Variants in CTNNA3 observed in about 807,000 individuals in gnomAD.
CTNNA3 encodes catenin alpha-3.
Under a neutral mutation model 95.7 loss-of-function variants are expected in CTNNA3, and 76 were observed. That is an observed-to-expected ratio of 0.79 (90% CI 0.66 to 0.96). The LOEUF is 0.96. CTNNA3 is among the 40% of genes least tolerant of loss of function. The pLI, the probability that CTNNA3 is intolerant of heterozygous loss-of-function variation, is 0.00. For synonymous variants in CTNNA3, 431 were observed against 374.4 expected (o/e 1.15, Z -1.74); for missense variants, 1,191 against 1,089.8 (o/e 1.09, Z -1.31).
chr10:67,745,110 A>G (rs1379340678), intron 1 of CTNNA3, among the ~76,000 whole-genome samples: 1 of 152,152 alleles, frequency 6.6e-6, no homozygotes, highest in Admixed American at 6.5e-5. Flanking sequence ...GCGATTCCTC[A>G]GGGATCTAGA....
At chr10:66,733,816 C>T (rs1010206620) in intron 9 of CTNNA3, among the ~76,000 whole-genome samples, 1 of 151,604 alleles carries the variant, frequency 6.6e-6, no homozygotes, top group African/African-American at 2.4e-5. Context: ...TTTTGCCTAT[C>T]TTTGAGGTTT....
At chr10:67,076,697 A>G (rs1042709582) in intron 7 of CTNNA3, among the ~76,000 whole-genome samples, 3 of 152,222 alleles carry the variant, frequency 2.0e-5, no homozygotes, top group Non-Finnish European at 4.4e-5. Context: ...GTAACCAAAC[A>G]TGGTACAGGG....
intron 17 of CTNNA3, among the ~76,000 whole-genome samples, chr10:65,939,925 T>A (rs949612154): frequency 6.6e-6 from 1 of 152,124 alleles, no homozygotes; most frequent in African/African-American, 2.4e-5. Context: ...ATATGAAATA[T>A]CCTGGAAGGG....
chr10:67,056,406 C>T (rs1331530083), intron 7 of CTNNA3, among the ~76,000 whole-genome samples: 1 of 152,080 alleles, frequency 6.6e-6, no homozygotes, highest in African/African-American at 2.4e-5. Flanking sequence ...TCGTACTACC[C>T]ATTTTTGCAT....
intron 11 of CTNNA3, among the ~76,000 whole-genome samples, chr10:66,453,233 A>T (rs932797352): frequency 2.0e-5 from 3 of 151,926 alleles, no homozygotes; most frequent in African/African-American, 4.8e-5. Flanking sequence ...GAAAAAAAAA[A>T]AAACTGAGCC....
At chr10:66,733,241 T>A (rs1849020603) in intron 9 of CTNNA3, among the ~76,000 whole-genome samples, 1 of 152,204 alleles carries the variant, frequency 6.6e-6, no homozygotes, top group African/African-American at 2.4e-5. Context: ...AAAATTTTCT[T>A]TCGAATTTCA....
At chr10:66,771,227 T>A (rs1036519037) in intron 8 of CTNNA3, among the ~76,000 whole-genome samples, 7 of 152,158 alleles carry the variant, frequency 4.6e-5, no homozygotes, top group Non-Finnish European at 1.0e-4. Flanking sequence ...ATTTATGAAA[T>A]AAAAGACATT....
At chr10:67,439,478 T>C (rs895696071) in intron 5 of CTNNA3, among the ~76,000 whole-genome samples, 3 of 151,862 alleles carry the variant, frequency 2.0e-5, no homozygotes, top group Admixed American at 2.0e-4. Context: ...AGGGGGAAGG[T>C]GCTACACACT....
chr10:66,333,523 A>C (rs1450441498), intron 12 of CTNNA3, among the ~76,000 whole-genome samples: 1 of 151,976 alleles, frequency 6.6e-6, no homozygotes, highest in Admixed American at 6.5e-5. Flanking sequence ...TTTAGTTTCC[A>C]TGTAGTTGAG....
At chr10:65,975,641 T>C (rs2078195508) in intron 16 of CTNNA3, among the ~76,000 whole-genome samples, 1 of 152,138 alleles carries the variant, frequency 6.6e-6, no homozygotes. Context: ...CTTTATTAGG[T>C]ACTTCGTCTG....
chr10:67,449,617 T>C (rs1386366850), intron 5 of CTNNA3, among the ~76,000 whole-genome samples: 1 of 152,088 alleles, frequency 6.6e-6, no homozygotes, highest in African/African-American at 2.4e-5. Context: ...ATGCTAAAGA[T>C]TGAAACTGGA....
chr10:67,508,287 C>T (rs2133121383), intron 5 of CTNNA3, among the ~76,000 whole-genome samples: 1 of 152,242 alleles, frequency 6.6e-6, no homozygotes, highest in African/African-American at 2.4e-5. Context: ...GCTGGGATTA[C>T]AGGTGTGAGC....
At chr10:67,738,140 C>G (rs1324203831) in intron 1 of CTNNA3, among the ~76,000 whole-genome samples, 2 of 152,060 alleles carry the variant, frequency 1.3e-5, no homozygotes, top group Non-Finnish European at 2.9e-5. Context: ...ACTGTTAAAA[C>G]AAAACAAACA....
chr10:66,779,323 C>CTCCT, intron 7 of CTNNA3, among the ~76,000 whole-genome samples: 1 of 140,342 alleles, frequency 7.1e-6, no homozygotes, highest in East Asian at 2.2e-4. Context: ...TTGTTATGGA[C>CTCCT]TCCTTCCTTC....
At chr10:67,660,041 A>G (rs1840134075) in intron 1 of CTNNA3, among the ~76,000 whole-genome samples, 1 of 152,216 alleles carries the variant, frequency 6.6e-6, no homozygotes, top group Non-Finnish European at 1.5e-5. Context: ...CAATAAATAC[A>G]CTTAGGAAAA....
rs186378720 is a variant in CTNNA3 at position 67,190,922 on chromosome 10, A to C, written c.844-10402T>G. On this transcript the variant is annotated intron_variant, in intron 6 of 17. Transcript: ENST00000433211. ...ATAAATAAATAGCCTCATTTTTAAA[A>C]ATAGGCCAATGACCTTAACAGATAA... Among the ~76,000 whole-genome samples the C allele has an allele frequency of 4.1e-3, 629 of 152,220 alleles. 3 individuals are homozygous for C. Among genetic ancestry groups the C allele is most frequent in the African/African-American group, 0.014 (591 of 41,582 alleles).
chr10:67,055,835 T>A (rs1303999366), intron 7 of CTNNA3, among the ~76,000 whole-genome samples: 2 of 152,152 alleles, frequency 1.3e-5, no homozygotes, highest in African/African-American at 4.8e-5. Context: ...TCCATATCCC[T>A]AATGATAAGT....
intron 5 of CTNNA3, among the ~76,000 whole-genome samples, chr10:67,406,442 C>T (rs1309589939): frequency 6.6e-6 from 1 of 152,030 alleles, no homozygotes; most frequent in Non-Finnish European, 1.5e-5. Context: ...GGGAAACTTA[C>T]AGCACTAAAT....
chr10:66,307,589 G>T (rs996370801), intron 12 of CTNNA3, among the ~76,000 whole-genome samples: 3 of 151,976 alleles, frequency 2.0e-5, no homozygotes, highest in African/African-American at 7.2e-5. Flanking sequence ...CCCACTAGCT[G>T]TTTTTTTAAA....
Sources: gnomAD v4.1 joint callset for allele counts (sites outside exome capture counted in the v4.1 genomes callset) on GRCh38, gnomAD v4.1.1 for gene constraint, MANE v1.5 for transcripts, NCBI Gene and HGNC (gene_info 2026-07-23, HGNC 2026-07-21) for gene names.